The following CCDC187 variants were observed in gnomAD, a reference collection of about 807,000 sequenced individuals.
The protein encoded by CCDC187 is coiled-coil domain containing 187, also known as coiled-coil domain-containing protein 187.
In CCDC187, 32 loss-of-function variants were observed where a neutral mutation model predicts 38.0. The ratio of observed to expected loss-of-function variants is 0.84; its 90% CI spans 0.64 to 1.13. CCDC187 has a LOEUF of 1.13. CCDC187 is among the 50% of genes most tolerant of loss of function. CCDC187 has a pLI of 0.00. For missense variants in CCDC187, 707 were observed against 786.8 expected, an observed-to-expected ratio of 0.90 and a Z score of 1.21; for synonymous variants, 333 against 347.9, an observed-to-expected ratio of 0.96 and a Z score of 0.48.
rs1004630353 is a variant in CCDC187, at chr9:136,293,529, G to A, written c.833-1234C>T. Reference sequence around the variant, plus strand: ...CACAAACACACATGCTCACATACACGCTTACACACTCACACTGACATGCTC... The same window carrying A: ...CACAAACACACATGCTCACATACACACTTACACACTCACACTGACATGCTC... On this transcript the variant is annotated intron_variant, in intron 4 of 25. Transcript: ENST00000638797. Among the ~76,000 whole-genome samples the A allele has an allele frequency of 2.3e-3, 48 of 21,002 alleles. 1 individual carries two copies. Among genetic ancestry groups the A allele is most frequent in the Admixed American group, 0.014 (26 of 1,814 alleles). The allele number at this position is 21,002 out of a possible 152,430, so 13.8% of individuals were successfully genotyped here.
intron 3 of CCDC187, 62 bp downstream of exon 3, chr9:136,300,158 C>A: frequency 2.5e-6 from 1 of 398,064 alleles, no homozygotes; most frequent in Non-Finnish European, 4.4e-6. Flanking sequence ...GCATGTGCTG[C>A]CCCCATCATG....
intron 2 of CCDC187, among the ~76,000 whole-genome samples, chr9:136,302,252 G>T (rs1374144790): frequency 6.6e-6 from 1 of 152,114 alleles, no homozygotes; most frequent in African/African-American, 2.4e-5. Context: ...CTTAGGAAAA[G>T]AGTTAAATAC....
intron 4 of CCDC187, among the ~76,000 whole-genome samples, chr9:136,294,234 C>T (rs1799102616): frequency 6.7e-6 from 1 of 148,390 alleles, no homozygotes; most frequent in African/African-American, 2.5e-5. Context: ...ATACACACGC[C>T]CTCACGTGGT....
At position 136,290,561 on chromosome 9, in the gene CCDC187, G is replaced by A. The variant is rs887640718; in HGVS notation, c.2052C>T (p.Leu684=). The change falls in exon 6 of 26, where the codon CTC becomes CTT. Residue 684 remains leucine (L), a synonymous_variant. Coordinates refer to ENST00000638797, the MANE Select transcript of CCDC187 (RefSeq NM_001378188.1). ...GGGAGACCACGGGGACCGCCCTGCC[G>A]AGGACGGCCTCCCTCTGCTGCCGGT... ...EVYRQQREAV[L]GRAVPVVSRT... 4.8e-5 allele frequency: 19 copies of A among 399,062 alleles called. No homozygotes were observed. The highest frequency in any genetic ancestry group is 2.1e-4 in the East Asian group (6 of 28,090). 24.7% of individuals were successfully genotyped at this position (399,062 alleles called of 1,614,324 possible).
chr9:136,286,430 T>C lies in CCDC187; in HGVS notation c.2488A>G (p.Thr830Ala), dbSNP rs937308964. The change falls in exon 8 of 26, where the codon ACA (threonine) becomes GCA (alanine). Residue 830 changes from threonine to alanine, a missense_variant. Physicochemically the swap from Thr to Ala is moderately conservative, Grantham distance 58 (BLOSUM62 0). Coordinates refer to ENST00000638797, the MANE Select transcript of CCDC187 (RefSeq NM_001378188.1). The part of the protein sequence containing the change: ...KQAQLQALET[T>A]AKVLKQRVDS... ...ACCCGCTGCTTGAGGACTTTGGCTG[T>C]GGTCTCTAGCGCCTGCAGCTGCGCC... 5.1e-4 allele frequency: 203 copies of C among 398,720 alleles called. No homozygotes were observed. Among genetic ancestry groups the C allele is most frequent in the African/African-American group, 1.5e-3 (74 of 48,768 alleles). The allele number at this position is 398,720 out of a possible 1,614,324, so 24.7% of individuals were successfully genotyped here.
At chr9:136,293,524 T>TAC (rs1831433772) in intron 4 of CCDC187, among the ~76,000 whole-genome samples, 1 of 51,224 alleles carries the variant, frequency 2.0e-5, no homozygotes, top group Non-Finnish European at 3.9e-5. Flanking sequence ...CATGCTCACA[T>TAC]ACACGCTTAC....
At chr9:136,259,541 G>C (rs1407745455) in intron 20 of CCDC187, 93 bp from the exon 21 acceptor site, 2 of 535,346 alleles carry the variant, frequency 3.7e-6, no homozygotes, top group Non-Finnish European at 4.8e-6. Context: ...GAGCTGCCAG[G>C]GGGTGGGGGA....
chr9:136,294,289 C>G (rs1831481532), intron 4 of CCDC187, among the ~76,000 whole-genome samples: 1 of 149,736 alleles, frequency 6.7e-6, no homozygotes, highest in African/African-American at 2.6e-5. Flanking sequence ...CACATGTGCT[C>G]TCACTCTCAC....
At chr9:136,286,028 C>T (rs951908752) in intron 8 of CCDC187, 57 bp downstream of exon 8, 1 of 397,904 alleles carries the variant, frequency 2.5e-6, no homozygotes, top group Admixed American at 4.4e-5. Context: ...CCATTCCTCC[C>T]AGCCCACAGG....
rs1830544457 is a variant in CCDC187, at chr9:136,251,917, TCCACCC to T, written c.*1671_*1676del. ...CCCGCGGAGCCGGCCGCCCACCTGGTCCACCCTGGGAAGAGCCGGCCGCCCACCCAG... is the reference window on the plus strand; with the variant it reads ...CCCGCGGAGCCGGCCGCCCACCTGGTTGGGAAGAGCCGGCCGCCCACCCAG... On this transcript the variant is annotated 3_prime_UTR_variant, in exon 26 of 26. Coordinates refer to ENST00000638797, the MANE Select transcript of CCDC187 (RefSeq NM_001378188.1). 9.9e-6 allele frequency: 1 copy of T among 100,966 alleles called. No individual in the cohort carries two copies. Among genetic ancestry groups the T allele is most frequent in the Non-Finnish European group, 2.2e-5 (1 of 44,858 alleles). 6.3% of individuals were successfully genotyped at this position (100,966 alleles called of 1,614,324 possible). A position where few individuals can be genotyped will look rare whatever the true frequency, so the allele number is the denominator to read the frequency against.
Position 136,302,891 on chromosome 9 carries a change from T to A in CCDC187, c.546A>T (p.Arg182Ser). ...GCATCAGCGTGGAGGCTTTGTGGAG[T>A]CTGGAGGCGCTGGAGGGGGCTGAGG... ...LGTSAPSSAS[R>S]LHKASTLMLR... Residue 182 changes from arginine (R) to serine (S), a missense_variant, in exon 2 of 26, where the codon AGA becomes AGT. Transcript: ENST00000638797. The A allele has an allele frequency of 2.5e-6, 1 of 398,582 alleles. No homozygotes were observed. Among genetic ancestry groups the A allele is most frequent in the Non-Finnish European group, 4.4e-6 (1 of 226,064 alleles). 24.7% of individuals were successfully genotyped at this position (398,582 alleles called of 1,614,324 possible).
chr9:136,269,236 C>G (rs1451856413), intron 14 of CCDC187, among the ~76,000 whole-genome samples: 1 of 152,220 alleles, frequency 6.6e-6, no homozygotes, highest in Non-Finnish European at 1.5e-5. Flanking sequence ...CTTGCCTTGA[C>G]TGTCGGAAAT....
Position 136,267,411 on chromosome 9 carries a change from T to C in CCDC187, c.3620A>G (p.Glu1207Gly). The change falls in exon 16 of 26, where the codon GAG becomes GGG. Residue 1207 changes from glutamate to glycine, a missense_variant. Physicochemically the swap from Glu to Gly is moderately conservative, Grantham distance 98. Coordinates refer to ENST00000638797, the MANE Select transcript of CCDC187 (RefSeq NM_001378188.1). ...EMALQEKTLAELAWLEHRRGC... is the reference protein window; with the variant it reads ...EMALQEKTLAGLAWLEHRRGC... ...TCGTCGATGCTCCAGCCAGGCCAGC[T>C]CCGCGAGCGTTTTCTCCTGGAGCGC... The C allele has an allele frequency of 6.1e-6, 6 of 985,458 alleles. No homozygotes were observed. Among genetic ancestry groups the C allele is most frequent in the Non-Finnish European group, 7.2e-6 (6 of 829,994 alleles). 61.0% of individuals were successfully genotyped at this position (985,458 alleles called of 1,614,324 possible).
chr9:136,294,009 C>T (rs973353796), intron 4 of CCDC187, among the ~76,000 whole-genome samples: 2,663 of 150,944 alleles, frequency 0.018, 80 homozygotes, highest in African/African-American at 0.06. Flanking sequence ...CATATACACA[C>T]GCCCTCACAT....
intron 9 of CCDC187, among the ~76,000 whole-genome samples, chr9:136,284,731 A>G (rs1831131796): frequency 6.9e-6 from 1 of 145,526 alleles, no homozygotes; most frequent in African/African-American, 2.6e-5. Flanking sequence ...GCAGGTGTGG[A>G]GGGGGTTTTT....
chr9:136,270,387 G>T (rs1443681037), intron 14 of CCDC187, among the ~76,000 whole-genome samples: 1 of 141,820 alleles, frequency 7.1e-6, no homozygotes, highest in African/African-American at 2.4e-5. Context: ...AGCAAGTCAC[G>T]TGATCATAGG....
chr9:136,263,545 T>G (rs576599850), intron 18 of CCDC187, 77 bp downstream of exon 18: 1 of 971,106 alleles, frequency 1.0e-6, no homozygotes, highest in African/African-American at 1.8e-5. Context: ...ACAGGCATTT[T>G]TACAAGGGAC....
At chr9:136,294,585 G>A (rs1831489038) in intron 4 of CCDC187, among the ~76,000 whole-genome samples, 1 of 152,164 alleles carries the variant, frequency 6.6e-6, no homozygotes, top group Admixed American at 6.5e-5. Context: ...CCAGGGGCAG[G>A]CTCCCGGACT....
intron 14 of CCDC187, among the ~76,000 whole-genome samples, chr9:136,271,238 T>C (rs1431264279): frequency 6.6e-6 from 1 of 152,164 alleles, no homozygotes; most frequent in East Asian, 1.9e-4. Flanking sequence ...ACAAGAAATA[T>C]GGTCTGGGCG....
Sources: gnomAD v4.1 joint callset for allele counts (sites outside exome capture counted in the v4.1 genomes callset) on GRCh38, gnomAD v4.1.1 for gene constraint, MANE v1.5 for transcripts, NCBI Gene and HGNC (gene_info 2026-07-23, HGNC 2026-07-21) for gene names.